Variants in QSOX1 observed in about 807,000 individuals in gnomAD.
QSOX1 encodes sulfhydryl oxidase 1.
A neutral mutation model predicts 76.1 loss-of-function variants in QSOX1; 40 were observed. That is an observed-to-expected ratio of 0.53 (90% confidence interval 0.41 to 0.68). The LOEUF (loss-of-function observed/expected upper bound fraction) is 0.68. QSOX1 is among the 30% of genes least tolerant of loss of function. The pLI is 0.00. For missense variants in QSOX1, 931 were observed against 974.3 expected, an observed-to-expected ratio of 0.96 and a Z score of 0.59; for synonymous variants, 392 against 413.1, an observed-to-expected ratio of 0.95 and a Z score of 0.62.
chr1:180,180,923 G>T (rs1663016495), intron 5 of QSOX1, among the ~76,000 whole-genome samples: 1 of 152,152 alleles, frequency 6.6e-6, no homozygotes, highest in Non-Finnish European at 1.5e-5. Flanking sequence ...CCCCCCTGAA[G>T]TTGGTGGTAT....
intron 1 of QSOX1, 50 bp from the exon 2 acceptor site, chr1:180,166,441 G>T (rs1558184475): frequency 6.8e-7 from 1 of 1,478,776 alleles, no homozygotes; most frequent in Non-Finnish European, 9.4e-7. Flanking sequence ...TGGGCGGGCA[G>T]AGGGGGTACC....
intron 1 of QSOX1, among the ~76,000 whole-genome samples, chr1:180,165,648 C>A (rs780822683): frequency 7.2e-5 from 11 of 152,264 alleles, no homozygotes; most frequent in Admixed American, 2.0e-4. Flanking sequence ...ACTGCCCTCT[C>A]ACGGCTTGTG....
At chr1:180,155,818 T>G (rs575492484) in intron 1 of QSOX1, among the ~76,000 whole-genome samples, 81 of 152,318 alleles carry the variant, frequency 5.3e-4, no homozygotes, top group African/African-American at 1.8e-3. Flanking sequence ...GGCCACATCC[T>G]TCTCTCTCTT....
In QSOX1 at chr1:180,197,831, T is replaced by A. The variant is rs1031437706; in HGVS notation, c.*794T>A. On this transcript the variant is annotated 3_prime_UTR_variant, in exon 12 of 12. Coordinates refer to ENST00000367602, the MANE Select transcript of QSOX1 (RefSeq NM_002826.5). Reference sequence around the variant, plus strand: ...CTGAGCCTGGTCTTTTGTCCTTTTTTATTTTGGTCTCCAAGATGAATGCTC... The same window carrying A: ...CTGAGCCTGGTCTTTTGTCCTTTTTAATTTTGGTCTCCAAGATGAATGCTC... The A allele has an allele frequency of 3.9e-6, 1 of 258,580 alleles. No homozygotes were observed. The highest frequency in any genetic ancestry group is 7.7e-6 in the Non-Finnish European group (1 of 129,768). The allele number at this position is 258,580 out of a possible 1,614,324, so 16.0% of individuals were successfully genotyped here.
intron 1 of QSOX1, among the ~76,000 whole-genome samples, chr1:180,166,054 A>G (rs1662611489): frequency 6.6e-6 from 1 of 151,888 alleles, no homozygotes; most frequent in Non-Finnish European, 1.5e-5. Context: ...CCCCTGGGGA[A>G]TTCCAGATCC....
chr1:180,161,997 A>G (rs73038413), intron 1 of QSOX1, among the ~76,000 whole-genome samples: 4,544 of 152,348 alleles, frequency 0.03, 103 homozygotes, highest in Middle Eastern at 0.085. Context: ...ATCAGAATAA[A>G]GCAATTAACT....
At chr1:180,161,530 A>G (rs147314533) in intron 1 of QSOX1, among the ~76,000 whole-genome samples, 37 of 152,364 alleles carry the variant, frequency 2.4e-4, no homozygotes, top group Middle Eastern at 3.4e-3. Flanking sequence ...TTATGCAAAT[A>G]ACAGTATTGC....
chr1:180,199,706 T>C lies in QSOX1; in HGVS notation c.*2669T>C, dbSNP rs1663591009. ...CCGTTCTAGAGGCAAGGACAGGTTG[T>C]GATGAGGGTTCTGAAGGATAGAGAC... On this transcript the variant is annotated 3_prime_UTR_variant, in exon 12 of 12. Transcript: ENST00000367602. 6.6e-6 allele frequency: 1 copy of C among 151,342 alleles called. No homozygotes were observed. The highest frequency in any genetic ancestry group is 2.4e-5 in the African/African-American group (1 of 41,106). 9.4% of individuals were successfully genotyped at this position (151,342 alleles called of 1,614,324 possible). A position where few individuals can be genotyped will look rare whatever the true frequency, so the allele number is the denominator to read the frequency against.
chr1:180,197,476 C>A lies in QSOX1; in HGVS notation c.*439C>A, dbSNP rs535073149. ...AACTCCTCACTAGCTGCTGGGGCTC[C>A]GCCCACCCTGCTCCCTTCCGGACAA... On this transcript the variant is annotated 3_prime_UTR_variant, in exon 12 of 12. Transcript: ENST00000367602. The A allele has an allele frequency of 1.5e-6, 2 of 1,343,382 alleles. No individual in the cohort carries two copies. Among genetic ancestry groups the A allele is most frequent in the East Asian group, 2.3e-5 (1 of 43,512 alleles). The allele number at this position is 1,343,382 out of a possible 1,614,324, so 83.2% of individuals were successfully genotyped here.
rs78960943 is a variant in QSOX1, at chr1:180,184,244, C to T, written c.887+194C>T. 4.0e-4 allele frequency among the ~76,000 whole-genome samples: 61 copies of T among 152,324 alleles called. No homozygotes were observed. In the East Asian group the frequency reaches 0.012, roughly 29 times the overall value. Reference sequence around the variant, plus strand: ...TTCAATGTGTGGGAGCGGCATTTAGCTGCGGTGCCTCTGGTGTCTGTTGCG... The same window carrying T: ...TTCAATGTGTGGGAGCGGCATTTAGTTGCGGTGCCTCTGGTGTCTGTTGCG... On this transcript the variant is annotated intron_variant, in intron 7 of 11. Transcript: ENST00000367602.
At chr1:180,158,159 G>T (rs1662413152) in intron 1 of QSOX1, among the ~76,000 whole-genome samples, 1 of 152,214 alleles carries the variant, frequency 6.6e-6, no homozygotes, top group Non-Finnish European at 1.5e-5. Context: ...GCTGGAGAAG[G>T]TCATTGACTC....
chr1:180,177,189 G>C (rs986836930), intron 4 of QSOX1, among the ~76,000 whole-genome samples: 1 of 151,278 alleles, frequency 6.6e-6, no homozygotes, highest in African/African-American at 2.4e-5. Flanking sequence ...CACATTTTCA[G>C]CCCTGGGGTA....
At chr1:180,185,925 A>G in intron 7 of QSOX1, 128 bp from the exon 8 acceptor site, 4 of 1,159,256 alleles carry the variant, frequency 3.5e-6, no homozygotes, top group Non-Finnish European at 5.1e-6. Context: ...AGCCAGTGGT[A>G]ACTTACAAGA....
chr1:180,197,399 C>G lies in QSOX1; in HGVS notation c.*362C>G, dbSNP rs150208169. The G allele has an allele frequency of 1.5e-4, 236 of 1,612,222 alleles. No individual in the cohort carries two copies. In the African/African-American group the frequency reaches 2.4e-3, roughly 17 times the overall value. On this transcript the variant is annotated 3_prime_UTR_variant, in exon 12 of 12. Transcript: ENST00000367602. ...TCTCCTGCTTGGTCTTGGCCCTCAA[C>G]TGGGGCAAGTGAAGCCAGAGGAGGG...
intron 6 of QSOX1, among the ~76,000 whole-genome samples, chr1:180,183,624 G>A (rs1228052719): frequency 2.6e-5 from 4 of 152,174 alleles, no homozygotes; most frequent in Non-Finnish European, 5.9e-5. Flanking sequence ...TGCCCTGCCT[G>A]GAGCCAGAGG....
chr1:180,175,921 T>G lies in QSOX1; in HGVS notation c.413-10T>G. 1 of 1,580,906 alleles carries G rather than the reference T, an allele frequency of 6.3e-7. No homozygotes were observed. Among genetic ancestry groups the G allele is most frequent in the Non-Finnish European group, 8.6e-7 (1 of 1,162,426 alleles). On this transcript the variant is annotated splice_polypyrimidine_tract_variant and intron_variant, in intron 3 of 11. Coordinates refer to ENST00000367602, the MANE Select transcript of QSOX1 (RefSeq NM_002826.5). The stretch of plus-strand genomic sequence containing the variant: ...CCTGACACTCCGCTCACGCCTGTTT[T>G]CATTTACAGTGGCTGGTGCTGACGT...
chr1:180,165,601 A>G (rs1662597722), intron 1 of QSOX1, among the ~76,000 whole-genome samples: 1 of 152,134 alleles, frequency 6.6e-6, no homozygotes, highest in African/African-American at 2.4e-5. Flanking sequence ...ACCTCTCCAA[A>G]CTTGAGAGTT....
At chr1:180,161,340 A>G (rs1160816087) in intron 1 of QSOX1, among the ~76,000 whole-genome samples, 2 of 152,188 alleles carry the variant, frequency 1.3e-5, no homozygotes, top group African/African-American at 4.8e-5. Context: ...CTCAGATTGG[A>G]CTTTTAACAA....
At chr1:180,186,949 T>A (rs944027440) in intron 8 of QSOX1, among the ~76,000 whole-genome samples, 2 of 152,224 alleles carry the variant, frequency 1.3e-5, no homozygotes, top group African/African-American at 4.8e-5. Flanking sequence ...GCGTCCCTGC[T>A]GGAAACCCTG....
Sources: allele counts gnomAD v4.1 joint callset (sites outside exome capture counted in the v4.1 genomes callset), GRCh38; gene constraint gnomAD v4.1.1; transcripts MANE v1.5; gene names NCBI Gene and HGNC (gene_info 2026-07-23, HGNC 2026-07-21).